Variants in XPR1 observed in about 807,000 individuals in gnomAD.
XPR1 encodes the protein xenotropic and polytropic retrovirus receptor 1.
Under a neutral mutation model 87.5 loss-of-function variants are expected in XPR1, and 28 were observed. That is an observed-to-expected ratio of 0.32 (90% CI 0.24 to 0.44). XPR1 has a LOEUF of 0.44. XPR1 is among the 20% of genes least tolerant of loss of function. The pLI is 1.00. For synonymous variants in XPR1, 300 were observed against 306.1 expected, an observed-to-expected ratio of 0.98 and a Z score of 0.21; for missense variants, 559 against 862.3, an observed-to-expected ratio of 0.65 and a Z score of 4.41.
chr1:180,784,973 T>C (rs773204964), intron 2 of XPR1, among the ~76,000 whole-genome samples: 8 of 151,176 alleles, frequency 5.3e-5, no homozygotes, highest in Admixed American at 2.0e-4. Flanking sequence ...GTTTTATTTA[T>C]ATTTTTTCGC....
At chr1:180,747,712 T>C (rs994473714) in intron 2 of XPR1, among the ~76,000 whole-genome samples, 1 of 152,224 alleles carries the variant, frequency 6.6e-6, no homozygotes, top group Non-Finnish European at 1.5e-5. Context: ...AGCACAGATA[T>C]CTGTACAGAG....
At chr1:180,864,712 A>C (rs1257952306) in intron 12 of XPR1, among the ~76,000 whole-genome samples, 1 of 152,176 alleles carries the variant, frequency 6.6e-6, no homozygotes, top group Non-Finnish European at 1.5e-5. Flanking sequence ...GGGCTGAATT[A>C]AAAAGTCAAA....
intron 2 of XPR1, among the ~76,000 whole-genome samples, chr1:180,772,156 T>C (rs1316246355): frequency 6.6e-6 from 1 of 152,224 alleles, no homozygotes; most frequent in Non-Finnish European, 1.5e-5. Context: ...TTCTATGGAT[T>C]ATAATCTAGT....
At chr1:180,660,266 T>C (rs181357130) in intron 1 of XPR1, among the ~76,000 whole-genome samples, 1 of 152,230 alleles carries the variant, frequency 6.6e-6, no homozygotes, top group Non-Finnish European at 1.5e-5. Flanking sequence ...TTTTTCTTAG[T>C]CTGGCTGAAA....
At chr1:180,721,059 A>G (rs1281513061) in intron 2 of XPR1, among the ~76,000 whole-genome samples, 5 of 151,890 alleles carry the variant, frequency 3.3e-5, no homozygotes, top group African/African-American at 1.2e-4. Flanking sequence ...GTATGGTGAA[A>G]CCCCATCTCT....
At chr1:180,822,771 AAC>A (rs1650684984) in intron 7 of XPR1, among the ~76,000 whole-genome samples, 1 of 152,174 alleles carries the variant, frequency 6.6e-6, no homozygotes, top group Non-Finnish European at 1.5e-5. Context: ...TCAACAAAGA[AAC>A]AGAGACTTTA....
chr1:180,785,011 T>TTGTGTGTGTGTGTG (rs1186269708), intron 2 of XPR1, among the ~76,000 whole-genome samples: 10,180 of 136,186 alleles, frequency 0.075, 555 homozygotes, highest in Middle Eastern at 0.1. Flanking sequence ...GTGTGTGTGT[T>TTGTGTGTGTGTGTG]TGTGTGTGTG....
intron 2 of XPR1, among the ~76,000 whole-genome samples, chr1:180,699,047 A>G (rs900270148): frequency 4.7e-4 from 72 of 152,138 alleles, no homozygotes; most frequent in African/African-American, 1.6e-3. Context: ...TGGATAACCA[A>G]ATCTCTTGCA....
At chr1:180,777,269 A>G (rs2138400) in intron 2 of XPR1, among the ~76,000 whole-genome samples, 1 of 152,134 alleles carries the variant, frequency 6.6e-6, no homozygotes, top group Non-Finnish European at 1.5e-5. Flanking sequence ...TATCTACTGT[A>G]CTACGTCTCA....
intron 3 of XPR1, among the ~76,000 whole-genome samples, chr1:180,793,552 T>C (rs1649463499): frequency 6.6e-6 from 1 of 152,114 alleles, no homozygotes; most frequent in African/African-American, 2.4e-5. Context: ...TAGGTTGGTA[T>C]ATTGTTTTAA....
chr1:180,855,163 A>T (rs1227578333), intron 11 of XPR1, among the ~76,000 whole-genome samples: 1 of 152,182 alleles, frequency 6.6e-6, no homozygotes, highest in Non-Finnish European at 1.5e-5. Flanking sequence ...CTAAAGTTAA[A>T]TTCTTTTCAC....
chr1:180,849,585 T>G (rs1276521923), intron 11 of XPR1, among the ~76,000 whole-genome samples: 1 of 152,194 alleles, frequency 6.6e-6, no homozygotes, highest in Non-Finnish European at 1.5e-5. Flanking sequence ...TAAACAGATG[T>G]GGTGTTGAGC....
At chr1:180,876,243 G>A (rs1276091041) in intron 13 of XPR1, among the ~76,000 whole-genome samples, 1 of 152,176 alleles carries the variant, frequency 6.6e-6, no homozygotes, top group Non-Finnish European at 1.5e-5. Context: ...GTACACAGTT[G>A]TAAAAATCCT....
chr1:180,717,306 G>A (rs1034216989), intron 2 of XPR1, among the ~76,000 whole-genome samples: 1 of 152,098 alleles, frequency 6.6e-6, no homozygotes, highest in Non-Finnish European at 1.5e-5. Context: ...ATTTTCTTTT[G>A]AAGTTAGTTC....
chr1:180,777,078 CA>C (rs1372795343), intron 2 of XPR1, among the ~76,000 whole-genome samples: 2 of 152,098 alleles, frequency 1.3e-5, no homozygotes, highest in Admixed American at 1.3e-4. Flanking sequence ...CCTTATTTTT[CA>C]AAGTGAAAAC....
In XPR1 at chr1:180,873,850, T is replaced by A; in HGVS notation, c.1716T>A (p.Ala572=). The part of the protein sequence containing the change: ...AIIEDVILRF[A]WTIQISITST... ...TAGAGGATGTGATTCTGCGCTTTGC[T>A]TGGACTATCCAAATCTCGATTACCT... Residue 572 remains alanine, a synonymous_variant, in exon 13 of 15, where the codon GCT becomes GCA. Coordinates refer to ENST00000367590, the MANE Select transcript of XPR1 (RefSeq NM_004736.4). The A allele has an allele frequency of 3.1e-6, 5 of 1,614,206 alleles. No homozygotes were observed. The highest frequency in any genetic ancestry group is 4.2e-6 in the Non-Finnish European group (5 of 1,180,034).
intron 11 of XPR1, 112 bp from the exon 12 acceptor site, chr1:180,863,596 T>C: frequency 1.1e-6 from 1 of 938,932 alleles, no homozygotes; most frequent in South Asian, 2.1e-5. Flanking sequence ...TGTTTAAAGC[T>C]TTGCTTTCTT....
In XPR1 at chr1:180,796,564, CT is replaced by C. The variant is rs140345472; in HGVS notation, c.224-6823del. On this transcript the variant is annotated intron_variant, in intron 3 of 14. Transcript: ENST00000367590. Reference sequence around the variant, plus strand: ...GTAGGCTACTAGAGAGAACTTTTACCTATTTATTCATTCAGCAAACATGGAT... The same window carrying C: ...GTAGGCTACTAGAGAGAACTTTTACCATTTATTCATTCAGCAAACATGGAT... Among the ~76,000 whole-genome samples the C allele has an allele frequency of 2.9e-3, 440 of 152,156 alleles. 1 individual carries two copies. Among genetic ancestry groups the C allele is most frequent in the African/African-American group, 0.01 (431 of 41,500 alleles).
At chr1:180,875,692 A>G (rs1283526477) in intron 13 of XPR1, among the ~76,000 whole-genome samples, 1 of 152,074 alleles carries the variant, frequency 6.6e-6, no homozygotes, top group Non-Finnish European at 1.5e-5. Context: ...ATCCCAAAAG[A>G]AAGTAGAAGT....
Sources: allele counts gnomAD v4.1 joint callset (sites outside exome capture counted in the v4.1 genomes callset), GRCh38; gene constraint gnomAD v4.1.1; transcripts MANE v1.5; gene names NCBI Gene and HGNC (gene_info 2026-07-23, HGNC 2026-07-21).